C4orf51: variants seen among roughly 807,000 people sequenced by gnomAD.
The protein encoded by C4orf51 is uncharacterized protein C4orf51.
Under a neutral mutation model 25.2 loss-of-function variants are expected in C4orf51, and 25 were observed. The observed-to-expected ratio is 0.99, with a 90% CI of 0.72 to 1.39. C4orf51 has a LOEUF of 1.39. Ranked by LOEUF, C4orf51 falls within the 40% of genes most tolerant of loss-of-function variation. C4orf51 has a pLI of 0.00. For synonymous variants in C4orf51, 100 were observed against 84.5 expected, an observed-to-expected ratio of 1.18 and a Z score of -1.01; for missense variants, 252 against 239.6, an observed-to-expected ratio of 1.05 and a Z score of -0.34.
intron 1 of C4orf51, chr4:145,760,345 C>T (rs987164845): frequency 6.6e-6 from 1 of 152,320 alleles, no homozygotes; most frequent in East Asian, 1.9e-4. Context: ...TTTCAGAATC[C>T]ACAAACGCCC....
At chr4:145,723,493 G>A (rs1731868240) in intron 2 of C4orf51, among the ~76,000 whole-genome samples, 1 of 151,826 alleles carries the variant, frequency 6.6e-6, no homozygotes, top group South Asian at 2.1e-4. Flanking sequence ...ATGATTAGAA[G>A]ACCTGGAGGT....
chr4:145,690,506 A>G (rs941454506), intron 1 of C4orf51, among the ~76,000 whole-genome samples: 2 of 150,464 alleles, frequency 1.3e-5, no homozygotes, highest in African/African-American at 5.0e-5. Context: ...TCCATCTCAA[A>G]ATAATAATAA....
intron 1 of C4orf51, among the ~76,000 whole-genome samples, chr4:145,749,217 C>G (rs1733544121): frequency 6.6e-6 from 1 of 151,826 alleles, no homozygotes; most frequent in African/African-American, 2.4e-5. Flanking sequence ...TACTCCTGCT[C>G]TTTTTTGGTT....
chr4:145,717,281 G>A (rs111883057), intron 2 of C4orf51, among the ~76,000 whole-genome samples: 1,977 of 152,262 alleles, frequency 0.013, 41 homozygotes, highest in African/African-American at 0.045. Context: ...AGTTATTATA[G>A]TAAAGCACTG....
downstream of C4orf51, among the ~76,000 whole-genome samples, chr4:145,773,562 G>T (rs573938631): frequency 3.9e-5 from 6 of 152,172 alleles, no homozygotes; most frequent in Non-Finnish European, 7.3e-5. Context: ...AAATGCAGAC[G>T]GAGCTCCTCC....
At chr4:145,707,256 T>C (rs1730870285) in intron 2 of C4orf51, among the ~76,000 whole-genome samples, 1 of 152,210 alleles carries the variant, frequency 6.6e-6, no homozygotes, top group Admixed American at 6.5e-5. Flanking sequence ...GATACTTTTT[T>C]ATATAAAATC....
At chr4:145,692,497 G>A (rs185792652) in intron 1 of C4orf51, among the ~76,000 whole-genome samples, 35 of 152,274 alleles carry the variant, frequency 2.3e-4, no homozygotes, top group African/African-American at 8.4e-4. Flanking sequence ...AATTACTGGG[G>A]ATTGAGCTAA....
intron 2 of C4orf51, among the ~76,000 whole-genome samples, chr4:145,706,545 A>G (rs1426507401): frequency 2.6e-5 from 4 of 152,236 alleles, no homozygotes; most frequent in Non-Finnish European, 5.9e-5. Flanking sequence ...TTGGCTTCAT[A>G]ATTCCATTTT....
chr4:145,750,392 T>A (rs1270507326), intron 1 of C4orf51, among the ~76,000 whole-genome samples: 1 of 150,324 alleles, frequency 6.7e-6, no homozygotes, highest in Non-Finnish European at 1.5e-5. Context: ...TTTCACCAGA[T>A]ACACTATTCT....
intron 2 of C4orf51, among the ~76,000 whole-genome samples, chr4:145,711,508 ACTTT>A (rs1249481343): frequency 6.6e-6 from 1 of 151,818 alleles, no homozygotes; most frequent in East Asian, 1.9e-4. Context: ...CCCTTCTGGT[ACTTT>A]CTTTCTCTTT....
chr4:145,695,253 T>C (rs1203812028), intron 1 of C4orf51, among the ~76,000 whole-genome samples: 10 of 152,240 alleles, frequency 6.6e-5, no homozygotes. Flanking sequence ...GCATCTGTTA[T>C]TTTTGACTTT....
At chr4:145,732,928 T>A, downstream of C4orf51, 1 of 161,226 alleles carries the variant, frequency 6.2e-6, no homozygotes, top group East Asian at 1.7e-4. Flanking sequence ...GCGTGAGAAA[T>A]GCTCTTTGTA....
chr4:145,686,924 C>T (rs921987066), intron 1 of C4orf51, among the ~76,000 whole-genome samples: 2 of 152,084 alleles, frequency 1.3e-5, no homozygotes, highest in Non-Finnish European at 2.9e-5. Flanking sequence ...ATTCTTGCCA[C>T]ATGGCAGCCT....
the C4orf51 span, among the ~76,000 whole-genome samples, chr4:145,783,023 G>A: frequency 5.3e-5 from 8 of 152,154 alleles, no homozygotes; most frequent in East Asian, 3.9e-4. Flanking sequence ...GAATATTTCC[G>A]TTGTACCACT....
chr4:145,720,567 A>T (rs1731678605), intron 2 of C4orf51, among the ~76,000 whole-genome samples: 1 of 151,952 alleles, frequency 6.6e-6, no homozygotes, highest in Non-Finnish European at 1.5e-5. Flanking sequence ...ATTCCCCGGG[A>T]GTGTTCTTCT....
Position 145,732,574 on chromosome 4 carries a change from G to C in C4orf51, c.*14G>C. On this transcript the variant is annotated 3_prime_UTR_variant, in exon 6 of 6. Transcript: ENST00000438731. ...CCATTTAACTGAGTTGGAAAATGAAGCCACAAGGCTGGAGGCGTGGAGTTT... is the reference window on the plus strand; with the variant it reads ...CCATTTAACTGAGTTGGAAAATGAACCCACAAGGCTGGAGGCGTGGAGTTT... The C allele has an allele frequency of 6.3e-7, 1 of 1,582,506 alleles. No homozygotes were observed.
At chr4:145,775,783 A>G, downstream of C4orf51, 1 of 1,614,102 alleles carries the variant, frequency 6.2e-7, no homozygotes, top group Non-Finnish European at 8.5e-7. Flanking sequence ...TCCATCTGCA[A>G]CTCACCTGTA....
At chr4:145,732,288 A>G (rs1732520193) in intron 5 of C4orf51, among the ~76,000 whole-genome samples, 165 bp from the exon 6 acceptor site, 1 of 152,194 alleles carries the variant, frequency 6.6e-6, no homozygotes, top group Non-Finnish European at 1.5e-5. Flanking sequence ...GAGACACAAT[A>G]TATTAAACAG....
intron 2 of C4orf51, among the ~76,000 whole-genome samples, chr4:145,720,905 G>A (rs1275847374): frequency 6.6e-6 from 1 of 152,168 alleles, no homozygotes; most frequent in Non-Finnish European, 1.5e-5. Flanking sequence ...TTGCAACAAA[G>A]GGAACTAGAT....
Sources: allele counts gnomAD v4.1 joint callset (sites outside exome capture counted in the v4.1 genomes callset), GRCh38; gene constraint gnomAD v4.1.1; transcripts MANE v1.5; gene names NCBI Gene and HGNC (gene_info 2026-07-23, HGNC 2026-07-21).